AFF3: variants seen among roughly 807,000 people sequenced by gnomAD.
AFF3 encodes AF4/FMR2 family member 3.
Under a neutral mutation model 129.7 loss-of-function variants are expected in AFF3, and 32 were observed. That is an observed-to-expected ratio of 0.25 (90% CI 0.19 to 0.33). AFF3 has a LOEUF of 0.33. AFF3 is among the 10% of genes least tolerant of loss of function. AFF3 has a pLI of 1.00. For missense variants in AFF3, 1,373 were observed against 1,592.0 expected (o/e 0.86, Z 2.34); for synonymous variants, 644 against 635.4 (o/e 1.01, Z -0.20).
intron 1 of AFF3, among the ~76,000 whole-genome samples, chr2:100,142,013 T>C (rs898918634): frequency 2.0e-5 from 3 of 152,102 alleles, no homozygotes; most frequent in Admixed American, 2.0e-4. Context: ...GCCCATGATC[T>C]CTCCTTGCAA....
intron 12 of AFF3, among the ~76,000 whole-genome samples, chr2:99,665,796 C>A (rs1405095722): frequency 6.6e-6 from 1 of 152,056 alleles, no homozygotes; most frequent in Non-Finnish European, 1.5e-5. Flanking sequence ...AGCAAAAGAG[C>A]CTGAGAAGAG....
chr2:99,731,525 C>T (rs986410194), intron 10 of AFF3, among the ~76,000 whole-genome samples: 1 of 152,284 alleles, frequency 6.6e-6, no homozygotes, highest in East Asian at 1.9e-4. Flanking sequence ...CCCACCTCCC[C>T]GCTCACAGCT....
intron 4 of AFF3, among the ~76,000 whole-genome samples, chr2:100,012,070 C>T (rs1476369489): frequency 1.3e-5 from 2 of 152,172 alleles, no homozygotes; most frequent in African/African-American, 2.4e-5. Context: ...AACCAGCCTA[C>T]AGCTCCTACT....
At chr2:100,102,350 C>A (rs997936035) in intron 4 of AFF3, among the ~76,000 whole-genome samples, 17 of 151,396 alleles carry the variant, frequency 1.1e-4, no homozygotes, top group African/African-American at 4.1e-4. Context: ...AAACTAGAAA[C>A]CCTCCCGGTC....
intron 7 of AFF3, among the ~76,000 whole-genome samples, chr2:99,887,348 T>C (rs2106054151): frequency 6.6e-6 from 1 of 152,342 alleles, no homozygotes; most frequent in African/African-American, 2.4e-5. Flanking sequence ...ACCTTATTGT[T>C]ATTAGAATCA....
At chr2:99,798,488 A>T (rs1006473367) in intron 8 of AFF3, among the ~76,000 whole-genome samples, 10 of 151,924 alleles carry the variant, frequency 6.6e-5, no homozygotes, top group African/African-American at 2.4e-4. Context: ...TGTAAACACT[A>T]TAAAATCCCA....
intron 4 of AFF3, among the ~76,000 whole-genome samples, chr2:100,061,854 T>TGGG (rs869209436): frequency 6.5e-4 from 49 of 75,700 alleles, no homozygotes; most frequent in East Asian, 4.1e-3. Context: ...GGTAGCACAG[T>TGGG]GGAGGGGGGG....
chr2:100,031,504 T>C (rs751515542), intron 4 of AFF3, among the ~76,000 whole-genome samples: 6 of 152,216 alleles, frequency 3.9e-5, no homozygotes, highest in Non-Finnish European at 7.3e-5. Flanking sequence ...TGAGTGACCC[T>C]ACACCCAGTA....
chr2:100,015,633 T>TA (rs1196243641), intron 4 of AFF3, among the ~76,000 whole-genome samples: 1 of 152,256 alleles, frequency 6.6e-6, no homozygotes, highest in East Asian at 1.9e-4. Context: ...TTTTTTAAAT[T>TA]AGAGTAAAGC....
intron 7 of AFF3, among the ~76,000 whole-genome samples, chr2:99,850,620 G>C (rs942388073): frequency 1.3e-5 from 2 of 152,214 alleles, no homozygotes; most frequent in Non-Finnish European, 2.9e-5. Flanking sequence ...TTAAGTGGAA[G>C]TTACTTATTA....
At chr2:100,115,982 AT>A (rs563443316) in intron 2 of AFF3, among the ~76,000 whole-genome samples, 8 of 152,130 alleles carry the variant, frequency 5.3e-5, no homozygotes, top group Non-Finnish European at 1.0e-4. Context: ...TCTTCTTATA[AT>A]TTTTTTCAAG....
At chr2:99,827,595 A>C (rs1688186773) in intron 8 of AFF3, among the ~76,000 whole-genome samples, 1 of 151,836 alleles carries the variant, frequency 6.6e-6, no homozygotes, top group Non-Finnish European at 1.5e-5. Context: ...TGGTCTGGAG[A>C]GTCTAGTTAG....
chr2:99,799,987 A>G (rs1174593284), intron 8 of AFF3, among the ~76,000 whole-genome samples: 2 of 152,198 alleles, frequency 1.3e-5, no homozygotes, highest in East Asian at 1.9e-4. Flanking sequence ...AACCTAACAT[A>G]GAAAAAAATC....
chr2:99,777,959 A>C (rs1272731195), intron 8 of AFF3, among the ~76,000 whole-genome samples: 6 of 151,288 alleles, frequency 4.0e-5, no homozygotes, highest in East Asian at 1.9e-4. Context: ...AAAAAAAAAA[A>C]AAAAAAAAAA....
intron 4 of AFF3, among the ~76,000 whole-genome samples, chr2:100,059,254 C>CAAAAAAAAAAAAAAAAAAAAAA (rs59005550): frequency 3.2e-5 from 1 of 31,002 alleles, no homozygotes; most frequent in Admixed American, 5.2e-4. Flanking sequence ...ACTCTGTCTC[C>CAAAAAAAAAAAAAAAAAAAAAA]AAAAAAAAAA....
intron 11 of AFF3, among the ~76,000 whole-genome samples, chr2:99,713,268 A>ATT (rs3073380): frequency 1.6e-5 from 2 of 126,296 alleles, no homozygotes; most frequent in Non-Finnish European, 1.7e-5. Context: ...GCCAGAGTTA[A>ATT]TTTTTTTTTT....
At chr2:99,755,910 A>T (rs1436354832) in intron 8 of AFF3, among the ~76,000 whole-genome samples, 1 of 152,238 alleles carries the variant, frequency 6.6e-6, no homozygotes, top group African/African-American at 2.4e-5. Context: ...AATCAATGGT[A>T]GGTCCATACA....
At chr2:100,071,458 AC>A (rs1467255112) in intron 4 of AFF3, among the ~76,000 whole-genome samples, 4 of 152,158 alleles carry the variant, frequency 2.6e-5, no homozygotes, top group African/African-American at 9.7e-5. Flanking sequence ...ATGATGCCAT[AC>A]TTGACAAACA....
rs150483770 is a variant in AFF3 at position 99,800,085 on chromosome 2, T to C, written c.921+37392A>G. On this transcript the variant is annotated intron_variant, in intron 8 of 24. Transcript: ENST00000672756. ...TTAAAAAATGTAAAACAGAACTTCA[T>C]AGAAATTAATTTTTTAACAAAGTTT... 7.4e-4 allele frequency among the ~76,000 whole-genome samples: 113 copies of C among 152,248 alleles called. 2 individuals carry two copies. In the Middle Eastern group the frequency reaches 0.01, roughly 14 times the overall value.
Sources: allele counts gnomAD v4.1 joint callset (sites outside exome capture counted in the v4.1 genomes callset), GRCh38; gene constraint gnomAD v4.1.1; transcripts MANE v1.5; gene names NCBI Gene and HGNC (gene_info 2026-07-23, HGNC 2026-07-21).